Variants in SLC9C2 observed in about 807,000 individuals in gnomAD.
SLC9C2 encodes the protein sodium/hydrogen exchanger 11.
A neutral mutation model predicts 140.2 loss-of-function variants in SLC9C2; 75 were observed. The observed-to-expected ratio is 0.53, with a 90% confidence interval of 0.44 to 0.65. The LOEUF is 0.65. Ranked by LOEUF, SLC9C2 falls within the 30% of genes least tolerant of loss-of-function variation. The pLI is 0.00. For missense variants in SLC9C2, 1,074 were observed against 1,331.8 expected (o/e 0.81, Z 3.01); for synonymous variants, 375 against 420.9 (o/e 0.89, Z 1.34).
chr1:173,500,997 T>C lies in SLC9C2; in HGVS notation c.*97A>G. On this transcript the variant is annotated 3_prime_UTR_variant, in exon 28 of 28. Transcript: ENST00000367714. Reference sequence around the variant, plus strand: ...TAAGTAAACTCCTTGCAGATAATCCTTTAGTATTTGAGCGAGGAAAGTAGT... The same window carrying C: ...TAAGTAAACTCCTTGCAGATAATCCCTTAGTATTTGAGCGAGGAAAGTAGT... 7.6e-7 allele frequency: 1 copy of C among 1,318,958 alleles called. No homozygotes were observed. The allele number at this position is 1,318,958 out of a possible 1,614,324, so 81.7% of individuals were successfully genotyped here.
chr1:173,569,782 C>T (rs1347815215), intron 9 of SLC9C2, among the ~76,000 whole-genome samples: 2 of 151,858 alleles, frequency 1.3e-5, no homozygotes, highest in Admixed American at 6.6e-5. Flanking sequence ...AGACCCTGTC[C>T]CAAAAAGAAA....
chr1:173,537,729 C>T (rs1662081416), intron 13 of SLC9C2, among the ~76,000 whole-genome samples: 1 of 151,660 alleles, frequency 6.6e-6, no homozygotes, highest in Non-Finnish European at 1.5e-5. Flanking sequence ...ATAGAGAGTG[C>T]AAAGTATTAA....
At chr1:173,581,085 CAGA>C (rs1288317144) in intron 7 of SLC9C2, among the ~76,000 whole-genome samples, 1 of 152,116 alleles carries the variant, frequency 6.6e-6, no homozygotes, top group African/African-American at 2.4e-5. Flanking sequence ...AATTAATCTG[CAGA>C]AGAAGCAGCG....
At chr1:173,541,227 G>T (rs1475553062) in intron 13 of SLC9C2, among the ~76,000 whole-genome samples, 1 of 151,244 alleles carries the variant, frequency 6.6e-6, no homozygotes, top group Non-Finnish European at 1.5e-5. Flanking sequence ...TGATAAAACA[G>T]ACTTTAAACC....
rs1233259970 is a variant in SLC9C2, at chr1:173,503,342, C to T, written c.3311-16G>A. ...TTGACTGAGGCTAACCAAATCCAAG[C>T]ATTGAACAGAAAAAGTAAATTAGGA... On this transcript the variant is annotated splice_polypyrimidine_tract_variant and intron_variant, in intron 26 of 27. Transcript: ENST00000367714. The T allele has an allele frequency of 4.4e-6, 7 of 1,608,954 alleles. No homozygotes were observed. The highest frequency in any genetic ancestry group is 5.1e-6 in the Non-Finnish European group (6 of 1,177,562).
In SLC9C2 at chr1:173,534,556, A is replaced by G. The variant is rs374002935; in HGVS notation, c.1902T>C (p.Gly634=). 12 of 1,599,192 alleles carry G rather than the reference A, an allele frequency of 7.5e-6. No homozygotes were observed. Among genetic ancestry groups the G allele is most frequent in the Non-Finnish European group, 9.4e-6 (11 of 1,174,084 alleles). The change falls in exon 16 of 28, where the codon GGT becomes GGC. Residue 634 remains glycine (G), a synonymous_variant. Transcript: ENST00000367714. ...TTGATATCAGTGCTGATACATTTAA[A>G]CCTCTTGCCATTGGCCACAGATGTA... The part of the protein sequence containing the change: ...MIIHLWPMAR[G]LNVSALISIN...
At chr1:173,541,263 G>A (rs746625111) in intron 13 of SLC9C2, among the ~76,000 whole-genome samples, 11 of 151,854 alleles carry the variant, frequency 7.2e-5, no homozygotes, top group African/African-American at 1.7e-4. Context: ...AGACAAAGGC[G>A]GCCATTACAT....
At chr1:173,588,496 G>T (rs1413651495) in intron 4 of SLC9C2, among the ~76,000 whole-genome samples, 6 of 151,866 alleles carry the variant, frequency 4.0e-5, no homozygotes. Flanking sequence ...TTGACCATTA[G>T]GTCCTTTTAT....
At chr1:173,581,243 C>T (rs184552107) in intron 7 of SLC9C2, among the ~76,000 whole-genome samples, 3 of 152,258 alleles carry the variant, frequency 2.0e-5, no homozygotes, top group South Asian at 2.1e-4. Flanking sequence ...TCTTAGGGAC[C>T]GGGCACCTCA....
At chr1:173,595,227 A>G (rs760081970) in intron 4 of SLC9C2, among the ~76,000 whole-genome samples, 7 of 152,168 alleles carry the variant, frequency 4.6e-5, no homozygotes, top group Non-Finnish European at 8.8e-5. Context: ...TCGGCTCTCA[A>G]TGCTCTTAAG....
At chr1:173,594,366 C>A (rs1666335297) in intron 4 of SLC9C2, among the ~76,000 whole-genome samples, 1 of 152,084 alleles carries the variant, frequency 6.6e-6, no homozygotes. Context: ...TGCTAATTAC[C>A]CTGATCTGAT....
chr1:173,599,004 T>G (rs1220409045), intron 3 of SLC9C2, among the ~76,000 whole-genome samples: 1 of 152,254 alleles, frequency 6.6e-6, no homozygotes, highest in Non-Finnish European at 1.5e-5. Flanking sequence ...AATGTTTTCT[T>G]GTATCTATGG....
intron 9 of SLC9C2, among the ~76,000 whole-genome samples, chr1:173,562,101 T>C (rs892847423): frequency 6.6e-6 from 1 of 152,136 alleles, no homozygotes; most frequent in Non-Finnish European, 1.5e-5. Flanking sequence ...TACAACTCTA[T>C]AGGAAAAAAA....
At chr1:173,555,248 T>C (rs1663591561) in intron 10 of SLC9C2, 1 of 157,784 alleles carries the variant, frequency 6.3e-6, no homozygotes, top group Non-Finnish European at 1.4e-5. Flanking sequence ...GCTACGGCTG[T>C]ACCAGAGGCT....
Position 173,526,646 on chromosome 1 carries a change from A to T in SLC9C2, c.2365+17T>A, listed in dbSNP as rs1661218238. The stretch of plus-strand genomic sequence containing the variant: ...ATAAGGTATGACTTTAAGAACTCAG[A>T]TACTTCAACTACCTACCTAATTCTT... On this transcript the variant is annotated intron_variant, in intron 19 of 27. Coordinates refer to ENST00000367714, the MANE Select transcript of SLC9C2 (RefSeq NM_178527.4). 2 of 1,579,334 alleles carry T rather than the reference A, an allele frequency of 1.3e-6. No individual in the cohort carries two copies. Among genetic ancestry groups the T allele is most frequent in the Non-Finnish European group, 1.7e-6 (2 of 1,166,614 alleles).
intron 22 of SLC9C2, 144 bp from the exon 23 acceptor site, chr1:173,517,848 GA>G (rs142952976): frequency 3.5e-5 from 23 of 651,592 alleles, no homozygotes; most frequent in African/African-American, 1.1e-4. Flanking sequence ...TTAGGCTTAA[GA>G]AAAAAAAATC....
At chr1:173,509,802 C>T in intron 23 of SLC9C2, 103 bp from the exon 24 acceptor site, 1 of 1,137,190 alleles carries the variant, frequency 8.8e-7, no homozygotes, top group Non-Finnish European at 1.2e-6. Context: ...GAAAAACTAT[C>T]AATTCTAGCA....
At chr1:173,542,727 T>G (rs1333456005) in intron 13 of SLC9C2, among the ~76,000 whole-genome samples, 1 of 151,940 alleles carries the variant, frequency 6.6e-6, no homozygotes, top group African/African-American at 2.4e-5. Flanking sequence ...ATAAACGTAA[T>G]CCATTACATA....
chr1:173,555,919 C>A (rs1663661246), intron 10 of SLC9C2, among the ~76,000 whole-genome samples: 1 of 152,196 alleles, frequency 6.6e-6, no homozygotes, highest in Non-Finnish European at 1.5e-5. Context: ...GATTTCTCCA[C>A]ATGCAAGATG....
Sources: gnomAD v4.1 joint callset for allele counts (sites outside exome capture counted in the v4.1 genomes callset) on GRCh38, gnomAD v4.1.1 for gene constraint, MANE v1.5 for transcripts, NCBI Gene and HGNC (gene_info 2026-07-23, HGNC 2026-07-21) for gene names.